Variants in MARCHF1 observed in about 807,000 individuals in gnomAD.
The protein encoded by MARCHF1 is membrane associated ring-CH-type finger 1.
MARCHF1 carries 40 observed loss-of-function variants against 54.2 expected under a neutral mutation model. That is an observed-to-expected ratio of 0.74 (90% confidence interval 0.57 to 0.96). The LOEUF (loss-of-function observed/expected upper bound fraction) is 0.96, where lower values mean the gene tolerates loss of function less well. MARCHF1 is among the 40% of genes least tolerant of loss of function. The pLI, the probability that MARCHF1 is intolerant of heterozygous loss-of-function variation, is 0.00. For synonymous variants in MARCHF1, 236 were observed against 236.3 expected (o/e 1.00, Z 0.01); for missense variants, 586 against 656.5 (o/e 0.89, Z 1.17).
At chr4:163,891,128 C>T (rs1308871276) in intron 3 of MARCHF1, among the ~76,000 whole-genome samples, 12 of 151,848 alleles carry the variant, frequency 7.9e-5, no homozygotes, top group Admixed American at 6.6e-4. Context: ...CTTGTCAGGT[C>T]GCAATTTTGA....
chr4:163,989,310 AG>A (rs1210976082), intron 2 of MARCHF1, among the ~76,000 whole-genome samples: 21 of 152,036 alleles, frequency 1.4e-4, no homozygotes, highest in Non-Finnish European at 2.1e-4. Flanking sequence ...AGAGAGAGAG[AG>A]AGAAAAGAAG....
At chr4:163,534,536 C>G (rs1038071214) in intron 9 of MARCHF1, among the ~76,000 whole-genome samples, 1 of 152,044 alleles carries the variant, frequency 6.6e-6, no homozygotes, top group African/African-American at 2.4e-5. Context: ...ATTAGTGTAT[C>G]ATGGAGTTAA....
intron 4 of MARCHF1, among the ~76,000 whole-genome samples, chr4:163,761,448 T>C (rs983455459): frequency 6.6e-6 from 1 of 152,194 alleles, no homozygotes. Flanking sequence ...TGGTGTCCTG[T>C]AGAAGCTGAG....
intron 3 of MARCHF1, among the ~76,000 whole-genome samples, chr4:163,926,193 C>T (rs187823699): frequency 6.9e-4 from 105 of 151,812 alleles, no homozygotes; most frequent in Middle Eastern, 3.4e-3. Context: ...ATTCTGACTT[C>T]AGAAAACCAT....
chr4:164,185,890 G>A (rs553136840), intron 1 of MARCHF1, among the ~76,000 whole-genome samples: 116 of 152,018 alleles, frequency 7.6e-4, no homozygotes, highest in Non-Finnish European at 1.4e-3. Context: ...TAAGACAAAT[G>A]CCAATTTCTG....
chr4:164,332,715 C>A (rs111345635), intron 1 of MARCHF1, among the ~76,000 whole-genome samples: 34 of 152,252 alleles, frequency 2.2e-4, no homozygotes, highest in African/African-American at 7.5e-4. Context: ...TTAACTGCAT[C>A]ATGATTAACC....
intron 1 of MARCHF1, among the ~76,000 whole-genome samples, chr4:164,382,944 A>C (rs1488944935): frequency 1.3e-5 from 2 of 152,242 alleles, no homozygotes; most frequent in Non-Finnish European, 2.9e-5. Flanking sequence ...AAGAATTGCC[A>C]GGAAAACGTG....
intron 1 of MARCHF1, among the ~76,000 whole-genome samples, chr4:164,373,984 A>G (rs952265744): frequency 2.0e-5 from 3 of 152,232 alleles, no homozygotes; most frequent in African/African-American, 7.2e-5. Context: ...CATTGTTTAT[A>G]AAAAGAATTT....
At chr4:164,352,061 A>G (rs1206628336) in intron 1 of MARCHF1, among the ~76,000 whole-genome samples, 1 of 127,084 alleles carries the variant, frequency 7.9e-6, no homozygotes, top group Non-Finnish European at 1.8e-5. Context: ...AGTTTAGAGA[A>G]AAAAGAATAA....
intron 3 of MARCHF1, among the ~76,000 whole-genome samples, chr4:163,886,873 G>C (rs1750550169): frequency 6.6e-6 from 1 of 152,204 alleles, no homozygotes; most frequent in Non-Finnish European, 1.5e-5. Flanking sequence ...GAATGAAAAT[G>C]TCAGATGTTC....
chr4:163,544,115 A>G (rs1019112466), intron 9 of MARCHF1, among the ~76,000 whole-genome samples: 4 of 152,186 alleles, frequency 2.6e-5, no homozygotes, highest in Admixed American at 2.6e-4. Flanking sequence ...CGACTGCAGG[A>G]TGTACAGCAC....
chr4:164,330,190 CA>C (rs1735395628), intron 1 of MARCHF1: 1 of 133,736 alleles, frequency 7.5e-6, no homozygotes, highest in African/African-American at 2.8e-5. Flanking sequence ...AAAAAAAAAA[CA>C]AAAACAAAAG....
intron 5 of MARCHF1, among the ~76,000 whole-genome samples, chr4:163,637,345 C>G (rs530214736): frequency 6.6e-6 from 1 of 152,176 alleles, no homozygotes; most frequent in Non-Finnish European, 1.5e-5. Flanking sequence ...GCAACCTACT[C>G]ATCTGACAAA....
At chr4:164,260,019 G>A (rs907585519) in intron 1 of MARCHF1, among the ~76,000 whole-genome samples, 3 of 152,094 alleles carry the variant, frequency 2.0e-5, no homozygotes, top group Admixed American at 1.3e-4. Flanking sequence ...TATATCTCCA[G>A]GTGATTTTAA....
chr4:164,320,600 T>C (rs1384631211), intron 1 of MARCHF1, among the ~76,000 whole-genome samples: 1 of 152,080 alleles, frequency 6.6e-6, no homozygotes, highest in African/African-American at 2.4e-5. Flanking sequence ...CCATCCCAGA[T>C]AAACATATAC....
intron 8 of MARCHF1, among the ~76,000 whole-genome samples, chr4:163,553,042 A>AAAG (rs1314664876): frequency 8.7e-6 from 1 of 114,882 alleles, no homozygotes; most frequent in African/African-American, 2.8e-5. Context: ...CAAAAAAAAA[A>AAAG]AAAAAAAAAG....
At chr4:164,344,230 G>T (rs1730010549) in intron 1 of MARCHF1, among the ~76,000 whole-genome samples, 1 of 152,166 alleles carries the variant, frequency 6.6e-6, no homozygotes, top group African/African-American at 2.4e-5. Flanking sequence ...CTTGAGGGTG[G>T]AGGGAAGGAG....
intron 5 of MARCHF1, among the ~76,000 whole-genome samples, chr4:163,635,286 T>C (rs1488700716): frequency 1.5e-5 from 2 of 137,842 alleles, no homozygotes; most frequent in Admixed American, 1.5e-4. Context: ...AAAAAACCCT[T>C]CAAAAAATTA....
At chr4:164,138,341 T>C (rs997736189) in intron 1 of MARCHF1, among the ~76,000 whole-genome samples, 3 of 151,952 alleles carry the variant, frequency 2.0e-5, no homozygotes, top group Non-Finnish European at 4.4e-5. Context: ...GCAGTATACA[T>C]ACCACAAAAC....
Sources: gnomAD v4.1 joint callset for allele counts (sites outside exome capture counted in the v4.1 genomes callset) on GRCh38, gnomAD v4.1.1 for gene constraint, MANE v1.5 for transcripts, NCBI Gene and HGNC (gene_info 2026-07-23, HGNC 2026-07-21) for gene names.